Variants in KIF13A observed in about 807,000 individuals in gnomAD.
KIF13A encodes kinesin-like protein KIF13A.
Under a neutral mutation model 212.2 loss-of-function variants are expected in KIF13A, and 79 were observed. The observed-to-expected ratio is 0.37, with a 90% confidence interval of 0.31 to 0.45. KIF13A has a LOEUF of 0.45. KIF13A is among the 20% of genes least tolerant of loss of function. The probability of loss-of-function intolerance (pLI) is 1.00; values close to 1 mark genes in which losing one functional copy is unlikely to be tolerated. For missense variants in KIF13A, 1,901 were observed against 2,209.0 expected, an observed-to-expected ratio of 0.86 and a Z score of 2.79; for synonymous variants, 789 against 808.6, an observed-to-expected ratio of 0.98 and a Z score of 0.41.
intron 16 of KIF13A, among the ~76,000 whole-genome samples, chr6:17,819,134 G>T (rs1052197883): frequency 6.6e-6 from 1 of 151,276 alleles, no homozygotes; most frequent in African/African-American, 2.4e-5. Context: ...CCAGTAGCTG[G>T]GACTACAGGT....
At position 17,783,859 on chromosome 6, in the gene KIF13A, T is replaced by C. The variant is rs1333572791; in HGVS notation, c.3489-158A>G. Among the ~76,000 whole-genome samples the C allele has an allele frequency of 6.6e-6, 1 of 152,198 alleles. No individual in the cohort carries two copies. Among genetic ancestry groups the C allele is most frequent in the African/African-American group, 2.4e-5 (1 of 41,444 alleles). On this transcript the variant is annotated intron_variant, in intron 28 of 38. Transcript: ENST00000259711. The surrounding 1 kb of genome is among the most constrained non-coding windows in gnomAD (Gnocchi z 4.3). ...ATATTTCTTGACTTCCCTGTAGACA[T>C]AAATCATGGGAATTATATGACTTAC...
chr6:17,768,892 G>T lies in KIF13A; in HGVS notation c.4581+2222C>A, dbSNP rs1227210373. The stretch of plus-strand genomic sequence containing the variant: ...ATATTGTTGCTTCTGTCTTAGTCAT[G>T]AGACATGAAGTACATCTGTATGTCT... On this transcript the variant is annotated intron_variant, in intron 38 of 38. Coordinates refer to ENST00000259711, the MANE Select transcript of KIF13A (RefSeq NM_022113.6). This position sits in a 1 kb window ranked among gnomAD's most constrained non-coding sequence, Gnocchi z 5.4. Among the ~76,000 whole-genome samples, 2 of 150,138 alleles carry T rather than the reference G, an allele frequency of 1.3e-5. No homozygotes were observed. Among genetic ancestry groups the T allele is most frequent in the East Asian group, 3.8e-4 (2 of 5,202 alleles).
chr6:17,801,760 G>T (rs1762491915), intron 20 of KIF13A, among the ~76,000 whole-genome samples: 1 of 152,118 alleles, frequency 6.6e-6, no homozygotes, highest in Non-Finnish European at 1.5e-5. Flanking sequence ...ACTGGGGCTG[G>T]GAGCAGGATG....
intron 9 of KIF13A, among the ~76,000 whole-genome samples, chr6:17,845,722 C>T (rs1314508533): frequency 2.0e-5 from 3 of 152,024 alleles, no homozygotes; most frequent in Admixed American, 1.3e-4. Flanking sequence ...AGCAGATTGG[C>T]TTTTCAAATG....
chr6:17,848,623 G>A (rs1403921555), intron 9 of KIF13A, among the ~76,000 whole-genome samples: 1 of 148,124 alleles, frequency 6.8e-6, no homozygotes, highest in Non-Finnish European at 1.5e-5. Flanking sequence ...TGGAGTACAG[G>A]GGAGCAATCT....
intron 14 of KIF13A, among the ~76,000 whole-genome samples, chr6:17,827,358 A>G (rs888007027): frequency 1.3e-5 from 2 of 152,042 alleles, no homozygotes; most frequent in African/African-American, 4.8e-5. Context: ...TGGCCTCCCA[A>G]AGTGCTGGGA....
At chr6:17,797,332 A>G (rs1273008702) in intron 22 of KIF13A, among the ~76,000 whole-genome samples, 1 of 152,110 alleles carries the variant, frequency 6.6e-6, no homozygotes, top group Non-Finnish European at 1.5e-5. Flanking sequence ...CCCGGCCTCA[A>G]CCCGTTTCTT....
chr6:17,770,913 A>AAAAT (rs1179324307), intron 38 of KIF13A: 9 of 528,740 alleles, frequency 1.7e-5, no homozygotes, highest in Non-Finnish European at 2.8e-5. Flanking sequence ...ACTTAAGCAA[A>AAAAT]AAATAAATAA....
In KIF13A at chr6:17,764,871, C is replaced by G. The variant is rs370868446; in HGVS notation, c.4657G>C (p.Glu1553Gln). The G allele has an allele frequency of 2.7e-5, 43 of 1,613,922 alleles. No individual in the cohort carries two copies. The African/African-American group carries it at 3.5e-4, about 13-fold the overall frequency. The change falls in exon 39 of 39, where the codon GAG becomes CAG. Residue 1553 changes from glutamate to glutamine, a missense_variant. Glu to Gln is a conservative substitution (Grantham distance 29). This residue lies in a region of KIF13A where 687 missense variants were observed against 759.1 expected (regional missense o/e 0.90). Coordinates refer to ENST00000259711, the MANE Select transcript of KIF13A (RefSeq NM_022113.6). The surrounding 1 kb of genome is among the most constrained non-coding windows in gnomAD (Gnocchi z 5.1). ...TTGTAAACACTGAAGTCAGCAAACT[C>G]CACAGGTACATAAGGCTGTGAACTT... ...LISSQPYVPV[E>Q]FADFSVYNAS...
rs1765195925 is a variant in KIF13A at position 17,828,938 on chromosome 6, T to C, written c.1402-568A>G. 6.8e-6 allele frequency among the ~76,000 whole-genome samples: 1 copy of C among 146,838 alleles called. No individual in the cohort carries two copies. The highest frequency in any genetic ancestry group is 2.5e-5 in the African/African-American group (1 of 40,290). ...GTATTAATGCCTGTGGGTCATACCATGTACAAACGTGTGATTTTTTTTTTT... is the reference window on the plus strand; with the variant it reads ...GTATTAATGCCTGTGGGTCATACCACGTACAAACGTGTGATTTTTTTTTTT... On this transcript the variant is annotated intron_variant, in intron 13 of 38. Coordinates refer to ENST00000259711, the MANE Select transcript of KIF13A (RefSeq NM_022113.6). The surrounding 1 kb of genome is among the most constrained non-coding windows in gnomAD (Gnocchi z 4.3).
At position 17,912,868 on chromosome 6, in the gene KIF13A, G is replaced by A. The variant is rs1413285594; in HGVS notation, c.147-14688C>T. 6.6e-6 allele frequency among the ~76,000 whole-genome samples: 1 copy of A among 152,094 alleles called. No homozygotes were observed. Among genetic ancestry groups the A allele is most frequent in the East Asian group, 1.9e-4 (1 of 5,194 alleles). Reference sequence around the variant, plus strand: ...ACTGATGGTAAAAGGAGAATTTGTTGAGAACATATTTCTATAATTTCTCCT... The same window carrying A: ...ACTGATGGTAAAAGGAGAATTTGTTAAGAACATATTTCTATAATTTCTCCT... On this transcript the variant is annotated intron_variant, in intron 2 of 38. Coordinates refer to ENST00000259711, the MANE Select transcript of KIF13A (RefSeq NM_022113.6). This position sits in a 1 kb window ranked among gnomAD's most constrained non-coding sequence, Gnocchi z 4.2.
intron 3 of KIF13A, among the ~76,000 whole-genome samples, chr6:17,874,999 GCACGCACACACACACACA>G (rs1770407148): frequency 8.3e-6 from 1 of 120,266 alleles, no homozygotes; most frequent in African/African-American, 3.1e-5. Context: ...ACACGCACAC[GCACGCACACACACACACA>G]CACACACAGC....
intron 17 of KIF13A, among the ~76,000 whole-genome samples, chr6:17,815,049 T>A (rs1164247384): frequency 1.3e-5 from 2 of 152,004 alleles, no homozygotes; most frequent in Non-Finnish European, 2.9e-5. Flanking sequence ...GGGGAAAGAG[T>A]GTGAGCCATC....
intron 6 of KIF13A, among the ~76,000 whole-genome samples, chr6:17,854,388 T>C (rs564340777): frequency 5.3e-5 from 8 of 152,196 alleles, no homozygotes; most frequent in African/African-American, 1.7e-4. Flanking sequence ...TCCACCCACC[T>C]TGGCCTCCCA....
chr6:17,802,937 TTTTTG>T (rs1011741322), intron 20 of KIF13A, among the ~76,000 whole-genome samples: 1 of 138,234 alleles, frequency 7.2e-6, no homozygotes, highest in African/African-American at 2.5e-5. Context: ...TTTTTGTTTT[TTTTTG>T]TTTTGTTTTG....
At chr6:17,823,680 C>G (rs577128178) in intron 16 of KIF13A, among the ~76,000 whole-genome samples, 2 of 151,758 alleles carry the variant, frequency 1.3e-5, no homozygotes, top group East Asian at 3.9e-4. Context: ...GTTAGCCAGG[C>G]TGGTCTCGAA....
intron 2 of KIF13A, among the ~76,000 whole-genome samples, chr6:17,957,966 G>A (rs978267663): frequency 2.6e-5 from 4 of 152,136 alleles, no homozygotes; most frequent in African/African-American, 9.7e-5. Flanking sequence ...ACAGCCTGAG[G>A]TTTAGACCAG....
chr6:17,875,593 T>G (rs1436292004), intron 3 of KIF13A, among the ~76,000 whole-genome samples: 1 of 151,990 alleles, frequency 6.6e-6, no homozygotes, highest in African/African-American at 2.4e-5. Context: ...TAGCTGGGAC[T>G]ACAGGCACGC....
At chr6:17,813,286 C>G (rs62394113) in intron 17 of KIF13A, among the ~76,000 whole-genome samples, 27,902 of 152,062 alleles carry the variant, frequency 0.18, 2,785 homozygotes, top group South Asian at 0.32. Flanking sequence ...TCGAGACCAG[C>G]CTGGCCAACA....
Sources: allele counts gnomAD v4.1 joint callset (sites outside exome capture counted in the v4.1 genomes callset), GRCh38; gene constraint gnomAD v4.1.1; regional missense constraint gnomAD v4.1.1; non-coding constraint Gnocchi (gnomAD v3.1); transcripts MANE v1.5; gene names NCBI Gene and HGNC (gene_info 2026-07-23, HGNC 2026-07-21).